The following ZNF695 variants were observed in gnomAD, a reference collection of about 807,000 sequenced individuals.
ZNF695 encodes the protein zinc finger protein 695, also known as zinc finger protein SBZF3.
Under a neutral mutation model 11.2 loss-of-function variants are expected in ZNF695, and 11 were observed. The ratio of observed to expected loss-of-function variants is 0.98; its 90% CI spans 0.62 to 1.62. ZNF695 has a LOEUF of 1.62. Ranked by LOEUF, ZNF695 falls within the 40% of genes most tolerant of loss-of-function variation. The probability of loss-of-function intolerance (pLI) is 0.00; values close to 1 mark genes in which losing one functional copy is unlikely to be tolerated. For synonymous variants in ZNF695, 190 were observed against 201.4 expected (o/e 0.94, Z 0.48); for missense variants, 559 against 590.5 (o/e 0.95, Z 0.55).
At chr1:246,967,439 G>T (rs1399860897) in intron 5 of ZNF695, 3 of 456,334 alleles carry the variant, frequency 6.6e-6, no homozygotes, top group Non-Finnish European at 1.3e-5. Flanking sequence ...TTAAAGGTCA[G>T]ATAGGATCTC....
intron 3 of ZNF695, among the ~76,000 whole-genome samples, chr1:246,993,348 A>G (rs540023367): frequency 8.5e-5 from 13 of 152,260 alleles, no homozygotes; most frequent in Non-Finnish European, 1.3e-4. Flanking sequence ...CAGAGGGTGC[A>G]GTGAGCCGAG....
chr1:246,979,412 T>G (rs536083729), intron 4 of ZNF695, among the ~76,000 whole-genome samples: 41 of 152,146 alleles, frequency 2.7e-4, no homozygotes, highest in Admixed American at 1.3e-3. Context: ...CCTGGGTAAT[T>G]TACCTAGTTA....
intron 5 of ZNF695, among the ~76,000 whole-genome samples, chr1:246,952,617 G>A (rs1667894646): frequency 6.6e-6 from 1 of 150,892 alleles, no homozygotes; most frequent in Non-Finnish European, 1.5e-5. Context: ...TGCAATCACA[G>A]CTTACTGCAA....
chr1:246,990,256 A>G (rs1171048718), intron 3 of ZNF695, among the ~76,000 whole-genome samples: 2 of 152,170 alleles, frequency 1.3e-5, no homozygotes, highest in Non-Finnish European at 2.9e-5. Context: ...CTGAAAATAA[A>G]AGAATGGAAA....
At chr1:246,958,128 G>A (rs1229009628) in intron 5 of ZNF695, among the ~76,000 whole-genome samples, 1 of 150,926 alleles carries the variant, frequency 6.6e-6, no homozygotes, top group Non-Finnish European at 1.5e-5. Flanking sequence ...GCGCGATCTC[G>A]GCTCACTGCA....
chr1:246,976,610 C>G (rs377669759), intron 4 of ZNF695, among the ~76,000 whole-genome samples: 3 of 151,356 alleles, frequency 2.0e-5, no homozygotes, highest in Admixed American at 6.6e-5. Flanking sequence ...CTGGCTAACA[C>G]GGTGAAACCC....
chr1:246,988,801 T>C (rs1009053474), intron 3 of ZNF695, among the ~76,000 whole-genome samples: 13 of 152,138 alleles, frequency 8.5e-5, no homozygotes, highest in Middle Eastern at 3.4e-3. Context: ...ACTAAAAATA[T>C]GACATTAGGC....
intron 1 of ZNF695, 150 bp downstream of exon 1, chr1:247,007,756 T>C: frequency 1.2e-6 from 1 of 867,362 alleles, no homozygotes; most frequent in Non-Finnish European, 1.6e-6. Context: ...GGGACGGGAC[T>C]GAGGGCCGAG....
intron 3 of ZNF695, among the ~76,000 whole-genome samples, chr1:246,995,813 CA>C (rs60375785): frequency 0.11 from 7,298 of 67,160 alleles, 109 homozygotes; most frequent in South Asian, 0.21. Flanking sequence ...GACTCTGTCT[CA>C]AAAAAAAAAA....
At chr1:246,984,130 T>C (rs1257521513), downstream of ZNF695, among the ~76,000 whole-genome samples, 1 of 118,306 alleles carries the variant, frequency 8.5e-6, no homozygotes, top group East Asian at 2.7e-4. Flanking sequence ...CCAGCCTGGG[T>C]GACACAGTGA....
At chr1:246,997,865 A>G (rs1439872058) in intron 3 of ZNF695, among the ~76,000 whole-genome samples, 1 of 152,232 alleles carries the variant, frequency 6.6e-6, no homozygotes. Flanking sequence ...GACTCCTAGA[A>G]GCAGAAGACA....
In ZNF695 at chr1:246,958,750, G is replaced by A. The variant is rs116649601; in HGVS notation, c.488+8945C>T. ...ATGGAAACGGTGCGAGATAATACAC[G>A]ATGTAACGCATGATTGTTGTACTTT... On this transcript the variant is annotated intron_variant, in intron 5 of 5. Coordinates refer to the ZNF695 transcript ENST00000487338. Among the ~76,000 whole-genome samples the A allele has an allele frequency of 4.7e-3, 712 of 152,256 alleles. 5 individuals carry two copies. The highest frequency in any genetic ancestry group is 0.016 in the African/African-American group (679 of 41,540).
At chr1:246,983,203 CAAA>C (rs765876016), downstream of ZNF695, among the ~76,000 whole-genome samples, 1 of 95,736 alleles carries the variant, frequency 1.0e-5, no homozygotes, top group African/African-American at 3.8e-5. Context: ...GACTCTGTCT[CAAA>C]AAAAAAAAAA....
At position 246,972,470 on chromosome 1, in the gene ZNF695, A is replaced by C. The variant is rs1668451593; in HGVS notation, c.391-4678T>G. ...TTATGCTTAAATTACTACTGTAATC[A>C]AATCTAAGTCTTGTGCACTACTGGG... On this transcript the variant is annotated intron_variant, in intron 4 of 5. Coordinates refer to the ZNF695 transcript ENST00000487338. 2.6e-5 allele frequency among the ~76,000 whole-genome samples: 4 copies of C among 152,210 alleles called. No individual in the cohort carries two copies. The South Asian group carries it at 8.3e-4, about 32-fold the overall frequency.
chr1:246,980,191 A>C lies in ZNF695; in HGVS notation c.390+7934T>G, dbSNP rs896623803. Among the ~76,000 whole-genome samples the C allele has an allele frequency of 8.0e-5, 12 of 150,938 alleles. No homozygotes were observed. In the South Asian group the frequency reaches 1.0e-3, roughly 13 times the overall value. ...GGACTCTGTATTTAAAAAAAAAAAAAAAAAAAAAAAAAACTTATGCTGTGT... is the reference window on the plus strand; with the variant it reads ...GGACTCTGTATTTAAAAAAAAAAAACAAAAAAAAAAAAACTTATGCTGTGT... On this transcript the variant is annotated intron_variant, in intron 4 of 5. Transcript: ENST00000487338.
At chr1:246,985,235 G>GT (rs1271394515), downstream of ZNF695, 1 of 935,076 alleles carries the variant, frequency 1.1e-6, no homozygotes, top group African/African-American at 1.8e-5. Context: ...GCATGTATAT[G>GT]TTTTGCAGGC....
At chr1:246,947,052 A>G (rs1446840576) in intron 5 of ZNF695, among the ~76,000 whole-genome samples, 1 of 150,420 alleles carries the variant, frequency 6.6e-6, no homozygotes, top group African/African-American at 2.4e-5. Context: ...AGGCAGGAGA[A>G]TGGCATGAAC....
intron 4 of ZNF695, chr1:246,979,845 A>G (rs1342310535): frequency 6.5e-6 from 1 of 152,760 alleles, no homozygotes; most frequent in African/African-American, 2.4e-5. Context: ...TTTACCTTAT[A>G]TTTATAGAAG....
At chr1:246,961,078 T>C (rs1668151667) in intron 5 of ZNF695, among the ~76,000 whole-genome samples, 1 of 152,202 alleles carries the variant, frequency 6.6e-6, no homozygotes, top group Non-Finnish European at 1.5e-5. Context: ...CTCATTGAAA[T>C]TCATAGTAGG....
Sources: gnomAD v4.1 joint callset for allele counts (sites outside exome capture counted in the v4.1 genomes callset) on GRCh38, gnomAD v4.1.1 for gene constraint, MANE v1.5 for transcripts, NCBI Gene and HGNC (gene_info 2026-07-23, HGNC 2026-07-21) for gene names.